The following CGNL1 variants were observed in gnomAD, a reference collection of about 807,000 sequenced individuals.
CGNL1 encodes the protein cingulin like 1.
A neutral mutation model predicts 141.2 loss-of-function variants in CGNL1; 132 were observed. The observed-to-expected ratio is 0.93, with a 90% CI of 0.81 to 1.08. The LOEUF (loss-of-function observed/expected upper bound fraction) is 1.08, where lower values mean the gene tolerates loss of function less well. Ranked by LOEUF, CGNL1 falls within the 50% of genes least tolerant of loss-of-function variation. The probability of loss-of-function intolerance (pLI) is 0.00; values close to 1 mark genes in which losing one functional copy is unlikely to be tolerated. For missense variants in CGNL1, 1,870 were observed against 1,588.6 expected (o/e 1.18, Z -3.01); for synonymous variants, 690 against 622.1 (o/e 1.11, Z -1.63).
At chr15:57,527,149 G>T (rs1368163505) in intron 12 of CGNL1, 1 of 152,110 alleles carries the variant, frequency 6.6e-6, no homozygotes, top group African/African-American at 2.4e-5. Flanking sequence ...TTTTCATTCT[G>T]TGCTTTCATG....
At chr15:57,545,375 C>T (rs2032799396) in intron 16 of CGNL1, among the ~76,000 whole-genome samples, 1 of 152,228 alleles carries the variant, frequency 6.6e-6, no homozygotes, top group Non-Finnish European at 1.5e-5. Flanking sequence ...CCCTTGCTGG[C>T]TCTGAAGCCT....
At chr15:57,535,755 G>C (rs2032225187) in intron 14 of CGNL1, among the ~76,000 whole-genome samples, 1 of 152,220 alleles carries the variant, frequency 6.6e-6, no homozygotes, top group African/African-American at 2.4e-5. Context: ...AGCATACACT[G>C]TGTTCTAGAA....
In CGNL1 at chr15:57,524,677, A is replaced by G; in HGVS notation, c.2965A>G (p.Met989Val). 1 of 1,614,238 alleles carries G rather than the reference A, an allele frequency of 6.2e-7. No homozygotes were observed. Reference sequence around the variant, plus strand: ...GAAAAACCGCAGGGAGCTCGCAGAAATGCAAAGACAGTTGAAGGAGAAAAC... The same window carrying G: ...GAAAAACCGCAGGGAGCTCGCAGAAGTGCAAAGACAGTTGAAGGAGAAAAC... ...KEKNRRELAEMQRQLKEKTLE... is the reference protein window; with the variant it reads ...KEKNRRELAEVQRQLKEKTLE... The change falls in exon 12 of 19, where the codon ATG becomes GTG. Residue 989 changes from methionine to valine, a missense_variant. Transcript: ENST00000281282.
intron 1 of CGNL1, among the ~76,000 whole-genome samples, chr15:57,388,561 C>T (rs749771703): frequency 6.6e-6 from 1 of 152,148 alleles, no homozygotes; most frequent in Non-Finnish European, 1.5e-5. Context: ...TATGTGTGCT[C>T]GCACGACTGT....
At chr15:57,543,664 T>A in intron 14 of CGNL1, 32 bp from the exon 15 acceptor site, 6 of 1,571,872 alleles carry the variant, frequency 3.8e-6, no homozygotes, top group Non-Finnish European at 2.6e-6. Flanking sequence ...ACAGTCCTTC[T>A]AACCTCTGGG....
rs745597802 is a variant in CGNL1 at position 57,531,783 on chromosome 15, C to G, written c.3291+4C>G. The G allele has an allele frequency of 3.2e-6, 5 of 1,561,018 alleles. No individual in the cohort carries two copies. In the African/African-American group the frequency reaches 4.1e-5, roughly 13 times the overall value. On this transcript the variant is annotated splice_donor_region_variant and intron_variant, in intron 14 of 18. Coordinates refer to ENST00000281282, the MANE Select transcript of CGNL1 (RefSeq NM_032866.5). Reference sequence around the variant, plus strand: ...GATCAGTAGGAGCAGGGAACAGGTACTATTCTATAGGTGAATGATGCGTGG... The same window carrying G: ...GATCAGTAGGAGCAGGGAACAGGTAGTATTCTATAGGTGAATGATGCGTGG...
In CGNL1 at chr15:57,381,914, A is replaced by G. The variant is rs117947257; in HGVS notation, c.-16+5347A>G. ...GGACTGCTGCTTTTCTAGGTGTCTT[A>G]AAGAAGAGGGTAGATTAGGCTGTGC... is the stretch of plus-strand genomic sequence containing the variant. On this transcript the variant is annotated intron_variant, in intron 1 of 18. Coordinates refer to ENST00000281282, the MANE Select transcript of CGNL1 (RefSeq NM_032866.5). Among the ~76,000 whole-genome samples the G allele has an allele frequency of 3.5e-3, 527 of 152,318 alleles. 1 individual carries two copies. The highest frequency in any genetic ancestry group is 6.7e-3 in the Admixed American group (103 of 15,304).
At chr15:57,484,852 T>G (rs1342881920) in intron 8 of CGNL1, among the ~76,000 whole-genome samples, 2 of 152,178 alleles carry the variant, frequency 1.3e-5, no homozygotes, top group Admixed American at 1.3e-4. Context: ...GATGATAGTT[T>G]CCAGCTTCAT....
Position 57,404,356 on chromosome 15 carries a change from A to T in CGNL1, c.-16+27789A>T, listed in dbSNP as rs111361686. On this transcript the variant is annotated intron_variant, in intron 1 of 18. Transcript: ENST00000281282. The stretch of plus-strand genomic sequence containing the variant: ...GGATTTATGAACGCTCAGAGTTTTT[A>T]AAATGTTTTATAGCTTGTAAGATAT... Among the ~76,000 whole-genome samples the T allele has an allele frequency of 3.4e-3, 511 of 152,334 alleles. 6 individuals carry two copies. Among genetic ancestry groups the T allele is most frequent in the African/African-American group, 0.01 (431 of 41,578 alleles).
intron 8 of CGNL1, among the ~76,000 whole-genome samples, chr15:57,468,658 T>C (rs2063542165): frequency 6.6e-6 from 1 of 152,138 alleles, no homozygotes; most frequent in East Asian, 1.9e-4. Context: ...AGACTATTTT[T>C]AGTTGGTAGT....
rs764799286 is a variant in CGNL1, at chr15:57,543,797, G to A, written c.3375+18G>A. 8.8e-6 allele frequency: 14 copies of A among 1,598,258 alleles called. No individual in the cohort carries two copies. The highest frequency in any genetic ancestry group is 1.3e-5 in the African/African-American group (1 of 74,590). On this transcript the variant is annotated intron_variant, in intron 15 of 18. Transcript: ENST00000281282. Reference sequence around the variant, plus strand: ...AGAGGCAGGTGAGGGCAGCCAGCCTGTGAGCTGCCCCCCCGTCCATCCGCT... The same window carrying A: ...AGAGGCAGGTGAGGGCAGCCAGCCTATGAGCTGCCCCCCCGTCCATCCGCT...
chr15:57,544,186 A>C (rs1193225078), intron 15 of CGNL1, among the ~76,000 whole-genome samples: 1 of 152,218 alleles, frequency 6.6e-6, no homozygotes, highest in East Asian at 1.9e-4. Flanking sequence ...TTTATAGGGC[A>C]AGGCAAAGCC....
rs1238162379 is a variant in CGNL1 at position 57,426,151 on chromosome 15, CT to C, written c.-15-11823del. Among the ~76,000 whole-genome samples the C allele has an allele frequency of 5.9e-4, 86 of 146,318 alleles. 1 individual carries two copies. The highest frequency in any genetic ancestry group is 4.4e-3 in the South Asian group (20 of 4,554). ...GGCGCTAAGAAGAAGAAGACACATT[CT>C]TTTTTTTTTTGAGACAGGGTCTTGC... On this transcript the variant is annotated intron_variant, in intron 1 of 18. Transcript: ENST00000281282.
chr15:57,435,623 A>G (rs758340110), intron 1 of CGNL1, among the ~76,000 whole-genome samples: 5 of 152,152 alleles, frequency 3.3e-5, no homozygotes, highest in Middle Eastern at 3.2e-3. Context: ...AGTTGTTCCT[A>G]TCTTTAAAGT....
At chr15:57,485,769 T>C (rs1458600960) in intron 8 of CGNL1, among the ~76,000 whole-genome samples, 2 of 152,248 alleles carry the variant, frequency 1.3e-5, no homozygotes, top group African/African-American at 4.8e-5. Context: ...ACCACCTTTT[T>C]CCTCTCTCAC....
At chr15:57,419,726 T>C (rs1331620923) in intron 1 of CGNL1, among the ~76,000 whole-genome samples, 8 of 152,208 alleles carry the variant, frequency 5.3e-5, no homozygotes, top group South Asian at 2.1e-4. Flanking sequence ...ATATTGATCT[T>C]GATAAAGCAT....
At chr15:57,451,147 T>G (rs1253770043) in intron 4 of CGNL1, among the ~76,000 whole-genome samples, 5 of 152,276 alleles carry the variant, frequency 3.3e-5, no homozygotes, top group African/African-American at 1.2e-4. Flanking sequence ...CTAAATTTAA[T>G]GCATTGCTAT....
At chr15:57,394,127 TGGA>T (rs2062576220) in intron 1 of CGNL1, 2 of 131,792 alleles carry the variant, frequency 1.5e-5, no homozygotes, top group African/African-American at 2.9e-5. Flanking sequence ...TTTTTTGAGA[TGGA>T]GTTTCGCTCT....
chr15:57,493,446 G>A (rs1471624788), intron 8 of CGNL1, among the ~76,000 whole-genome samples: 1 of 152,170 alleles, frequency 6.6e-6, no homozygotes. Flanking sequence ...TATCAAGACT[G>A]TACGTGACCC....
Sources: allele counts gnomAD v4.1 joint callset (sites outside exome capture counted in the v4.1 genomes callset), GRCh38; gene constraint gnomAD v4.1.1; transcripts MANE v1.5; gene names NCBI Gene and HGNC (gene_info 2026-07-23, HGNC 2026-07-21).